CUBN: variants seen among roughly 807,000 people sequenced by gnomAD.
CUBN encodes cubilin, also known as 460 kDa receptor.
Under a neutral mutation model 405.3 loss-of-function variants are expected in CUBN, and 282 were observed. The ratio of observed to expected loss-of-function variants is 0.70; its 90% CI spans 0.63 to 0.77. The LOEUF is 0.77. Among genes scored for constraint, CUBN ranks in the 30% least tolerant of loss-of-function variants. The probability of loss-of-function intolerance (pLI) is 0.00; values close to 1 mark genes in which losing one functional copy is unlikely to be tolerated. For missense variants in CUBN, 4,514 were observed against 4,475.2 expected, an observed-to-expected ratio of 1.01 and a Z score of -0.25; for synonymous variants, 1,684 against 1,617.0, an observed-to-expected ratio of 1.04 and a Z score of -0.99.
intron 6 of CUBN, among the ~76,000 whole-genome samples, chr10:17,116,185 A>C (rs941310991): frequency 8.5e-5 from 13 of 152,364 alleles, no homozygotes; most frequent in African/African-American, 2.4e-4. Context: ...TTGAATTTCC[A>C]ACAAAATGTG....
At chr10:16,848,875 T>G (rs1441620962) in intron 60 of CUBN, among the ~76,000 whole-genome samples, 2 of 151,864 alleles carry the variant, frequency 1.3e-5, no homozygotes, top group African/African-American at 2.4e-5. Context: ...ATAATTGTTT[T>G]GTATTTTTTG....
Position 16,825,084 on chromosome 10 carries a change from T to C in CUBN, c.10765-2A>G. On this transcript the variant is annotated splice_acceptor_variant, in intron 66 of 66. Coordinates refer to ENST00000377833, the MANE Select transcript of CUBN (RefSeq NM_001081.4). LOFTEE classifies it high-confidence loss of function. ...CACGAAGGGAGCTATGCTGGTGTCCTAAAATTGAAAAAAAAAGTATCCAAT... is the reference window on the plus strand; with the variant it reads ...CACGAAGGGAGCTATGCTGGTGTCCCAAAATTGAAAAAAAAAGTATCCAAT... The C allele has an allele frequency of 5.0e-6, 8 of 1,604,822 alleles. No individual in the cohort carries two copies. The highest frequency in any genetic ancestry group is 6.8e-6 in the Non-Finnish European group (8 of 1,172,508).
intron 43 of CUBN, 129 bp from the exon 44 acceptor site, chr10:16,920,266 A>G (rs2131468035): frequency 1.0e-6 from 1 of 993,524 alleles, no homozygotes; most frequent in Non-Finnish European, 1.6e-6. Context: ...TATGATCCTC[A>G]TTTTCTTTTC....
chr10:17,072,474 C>T (rs928268171), intron 17 of CUBN, among the ~76,000 whole-genome samples: 2 of 152,026 alleles, frequency 1.3e-5, no homozygotes, highest in Non-Finnish European at 2.9e-5. Context: ...TGGCACACAC[C>T]TATTATCTGA....
At chr10:17,030,991 G>A (rs1000243907) in intron 27 of CUBN, among the ~76,000 whole-genome samples, 2 of 152,138 alleles carry the variant, frequency 1.3e-5, no homozygotes, top group African/African-American at 4.8e-5. Context: ...TGTAATAATA[G>A]AGAGTAACCA....
rs868780732 is a variant in CUBN at position 16,927,987 on chromosome 10, T to C, written c.6271+170A>G. On this transcript the variant is annotated intron_variant, in intron 41 of 66. Coordinates refer to ENST00000377833, the MANE Select transcript of CUBN (RefSeq NM_001081.4). Reference sequence around the variant, plus strand: ...TGGCCCCAGTGCTTTGGATGAGGACTCAGCACTGATGTAAGGGGAGCCAGC... The same window carrying C: ...TGGCCCCAGTGCTTTGGATGAGGACCCAGCACTGATGTAAGGGGAGCCAGC... Among the ~76,000 whole-genome samples the C allele has an allele frequency of 2.0e-4, 30 of 152,274 alleles. 1 individual carries two copies. In the South Asian group the frequency reaches 3.3e-3, roughly 17 times the overall value.
intron 4 of CUBN, among the ~76,000 whole-genome samples, chr10:17,125,762 C>T (rs1837168509): frequency 6.6e-6 from 1 of 152,128 alleles, no homozygotes. Flanking sequence ...GGTAGGAGGA[C>T]TGGCTGAGCG....
intron 58 of CUBN, among the ~76,000 whole-genome samples, chr10:16,872,349 C>CATATATATATAT (rs138781700): frequency 2.1e-3 from 317 of 149,044 alleles, no homozygotes; most frequent in African/African-American, 5.4e-3. Context: ...TGTATACATA[C>CATATATATATAT]ATATATATAT....
chr10:17,062,691 A>G (rs1035028464), intron 22 of CUBN, among the ~76,000 whole-genome samples: 2 of 152,230 alleles, frequency 1.3e-5, no homozygotes. Flanking sequence ...TCATAGCCAC[A>G]TGGCACAAAC....
At chr10:17,050,772 A>C (rs758168760) in intron 22 of CUBN, among the ~76,000 whole-genome samples, 14 of 152,154 alleles carry the variant, frequency 9.2e-5, no homozygotes, top group South Asian at 4.1e-4. Flanking sequence ...TTCCGGGCCA[A>C]AGGATAAGTC....
chr10:17,118,958 T>G (rs1354167189), intron 6 of CUBN, among the ~76,000 whole-genome samples: 1 of 152,214 alleles, frequency 6.6e-6, no homozygotes, highest in African/African-American at 2.4e-5. Context: ...CCAACTTGGT[T>G]CCAGCAGAAC....
At chr10:16,922,057 T>C (rs756773388) in intron 43 of CUBN, among the ~76,000 whole-genome samples, 5 of 152,156 alleles carry the variant, frequency 3.3e-5, no homozygotes, top group Non-Finnish European at 7.4e-5. Flanking sequence ...TTGATACCTT[T>C]CACCATATGG....
At chr10:17,118,415 C>G (rs749870907) in intron 6 of CUBN, among the ~76,000 whole-genome samples, 4 of 152,138 alleles carry the variant, frequency 2.6e-5, no homozygotes, top group South Asian at 4.1e-4. Context: ...TATGAAGATG[C>G]TGCATTTTTA....
At position 17,109,731 on chromosome 10, in the gene CUBN, G is replaced by A. The variant is rs1474612445; in HGVS notation, c.1020C>T (p.Tyr340=). The A allele has an allele frequency of 2.5e-6, 4 of 1,612,904 alleles. No homozygotes were observed. The highest frequency in any genetic ancestry group is 2.2e-5 in the East Asian group (1 of 44,862). ...SSHCQACPPG[Y]QGDGRVCTLT... The stretch of plus-strand genomic sequence containing the variant: ...GTGTGCACACTCTTCCGTCACCCTG[G>A]TACCCTGATGAGAACAAGAGCCAGG... The change falls in exon 10 of 67, where the codon TAC becomes TAT. Residue 340 remains tyrosine, a synonymous_variant. Transcript: ENST00000377833.
intron 66 of CUBN, 115 bp downstream of exon 66, chr10:16,828,690 C>A (rs1365714176): frequency 2.3e-6 from 2 of 853,986 alleles, no homozygotes; most frequent in Non-Finnish European, 3.8e-6. Context: ...CCACTGCACT[C>A]CAGCCTGGGT....
intron 8 of CUBN, among the ~76,000 whole-genome samples, chr10:17,113,606 G>C (rs1836818363): frequency 6.6e-6 from 1 of 152,166 alleles, no homozygotes; most frequent in Non-Finnish European, 1.5e-5. Context: ...TTTAGGTCAA[G>C]GCCGCAAGAT....
chr10:16,899,068 G>A lies in CUBN; in HGVS notation c.8526C>T (p.His2842=), dbSNP rs192775509. 2 of 1,613,556 alleles carry A rather than the reference G, an allele frequency of 1.2e-6. No homozygotes were observed. Among genetic ancestry groups the A allele is most frequent in the Admixed American group, 1.7e-5 (1 of 60,006 alleles). The part of the protein sequence containing the change: ...SWTAITHKSK[H]LEISFDNNFL... ...AGTTGTTGTCAAAGCTGATCTCCAA[G>A]TGTTTACTTTTGTGAGTAATGGCCG... The change falls in exon 54 of 67, where the codon CAC becomes CAT. Residue 2842 remains histidine (H), a synonymous_variant. Coordinates refer to ENST00000377833, the MANE Select transcript of CUBN (RefSeq NM_001081.4).
chr10:16,921,441 T>C (rs528541748), intron 43 of CUBN, among the ~76,000 whole-genome samples: 1 of 152,108 alleles, frequency 6.6e-6, no homozygotes, highest in Non-Finnish European at 1.5e-5. Context: ...TGTCTGTCTG[T>C]CTCTCTCCTT....
In CUBN at chr10:16,920,106, A is replaced by C; in HGVS notation, c.6678T>G (p.Ala2226=). 1.2e-6 allele frequency: 2 copies of C among 1,614,054 alleles called. No individual in the cohort carries two copies. The highest frequency in any genetic ancestry group is 1.7e-6 in the Non-Finnish European group (2 of 1,179,968). ...GGGAGGTCACATACCCAGCAGAATC[A>C]GCATCATGGATGTAGACGTTGCCCC... ...ACGGNVYIHD[A]DSAGYVTSPN... The change falls in exon 44 of 67, where the codon GCT becomes GCG. Residue 2226 remains alanine (A), a synonymous_variant. Coordinates refer to ENST00000377833, the MANE Select transcript of CUBN (RefSeq NM_001081.4).
Sources: allele counts gnomAD v4.1 joint callset (sites outside exome capture counted in the v4.1 genomes callset), GRCh38; gene constraint gnomAD v4.1.1; transcripts MANE v1.5; gene names NCBI Gene and HGNC (gene_info 2026-07-23, HGNC 2026-07-21).